HARS2: variants seen among roughly 807,000 people sequenced by gnomAD.
HARS2 encodes the protein histidine--tRNA ligase, mitochondrial.
In HARS2, 40 loss-of-function variants were observed where a neutral mutation model predicts 62.4. The ratio of observed to expected loss-of-function variants is 0.64; its 90% CI spans 0.50 to 0.83. The LOEUF is 0.83. Among genes scored for constraint, HARS2 ranks in the 40% least tolerant of loss-of-function variants. The pLI is 0.00. For synonymous variants in HARS2, 228 were observed against 227.0 expected (o/e 1.00, Z -0.04); for missense variants, 569 against 626.4 (o/e 0.91, Z 0.98).
At chr5:140,693,721 C>A in intron 2 of HARS2, 56 bp downstream of exon 2, 1 of 1,376,848 alleles carries the variant, frequency 7.3e-7, no homozygotes, top group Non-Finnish European at 1.0e-6. Context: ...CTGACCTCTG[C>A]CTTGCATGTC....
At chr5:140,693,841 A>C in intron 2 of HARS2, 94 bp from the exon 3 acceptor site, 1 of 1,445,138 alleles carries the variant, frequency 6.9e-7, no homozygotes, top group Non-Finnish European at 9.7e-7. Flanking sequence ...TCAGCTCCAG[A>C]CCTGAGATTA....
intron 8 of HARS2, 130 bp from the exon 9 acceptor site, chr5:140,696,813 A>T (rs554715533): frequency 3.9e-6 from 4 of 1,034,700 alleles, no homozygotes; most frequent in Non-Finnish European, 5.8e-6. Context: ...GGGTCTTGTC[A>T]TGTGAGACTG....
In HARS2 at chr5:140,699,020, T is replaced by C. The variant is rs1759879451; in HGVS notation, c.*468T>C. The C allele has an allele frequency of 3.7e-6, 1 of 268,220 alleles. No individual in the cohort carries two copies. The highest frequency in any genetic ancestry group is 7.3e-6 in the Non-Finnish European group (1 of 136,938). The allele number at this position is 268,220 out of a possible 1,614,324, so 16.6% of individuals were successfully genotyped here. On this transcript the variant is annotated 3_prime_UTR_variant, in exon 13 of 13. Transcript: ENST00000230771. Reference sequence around the variant, plus strand: ...TTTGGAAGACAGCAAAGAGGGGCAATGGCTGCTTTCAGCTTTGAGGACAGA... The same window carrying C: ...TTTGGAAGACAGCAAAGAGGGGCAACGGCTGCTTTCAGCTTTGAGGACAGA...
chr5:140,696,826 A>ATT, intron 8 of HARS2, 117 bp from the exon 9 acceptor site: 1 of 810,584 alleles, frequency 1.2e-6, no homozygotes, highest in Non-Finnish European at 1.9e-6. Flanking sequence ...TGAGACTGGG[A>ATT]TCTTTTTTTT....
Position 140,698,764 on chromosome 5 carries a change from C to T in HARS2, c.*212C>T. On this transcript the variant is annotated 3_prime_UTR_variant, in exon 13 of 13. Transcript: ENST00000230771. ...AGCTATTCTGCATGGGTGCAGATGG[C>T]TGGATGTGAAAGAGACATGCTCTAG... The T allele has an allele frequency of 1.6e-6, 1 of 607,710 alleles. No individual in the cohort carries two copies. Among genetic ancestry groups the T allele is most frequent in the Admixed American group, 2.8e-5 (1 of 35,792 alleles). The allele number at this position is 607,710 out of a possible 1,614,324, so 37.6% of individuals were successfully genotyped here. A position where few individuals can be genotyped will look rare whatever the true frequency, so the allele number is the denominator to read the frequency against.
In HARS2 at chr5:140,697,248, C is replaced by G. The variant is rs372191938; in HGVS notation, c.1039C>G (p.Gln347Glu). The change falls in exon 10 of 13, where the codon CAG becomes GAG. Residue 347 changes from glutamine (Q) to glutamate (E), a missense_variant. Physicochemically the swap from Gln to Glu is conservative, Grantham distance 29. Coordinates refer to ENST00000230771, the MANE Select transcript of HARS2 (RefSeq NM_012208.4). Reference sequence around the variant, plus strand: ...AGCAGTGCTGCTGCAGACCCCAACTCAGGCTGGGGAGGAGCCCCTGAATGT... The same window carrying G: ...AGCAGTGCTGCTGCAGACCCCAACTGAGGCTGGGGAGGAGCCCCTGAATGT... ...YEAVLLQTPT[Q>E]AGEEPLNVGS... 125 of 1,614,068 alleles carry G rather than the reference C, an allele frequency of 7.7e-5. No homozygotes were observed. The highest frequency in any genetic ancestry group is 1.0e-4 in the Non-Finnish European group (122 of 1,180,046).
chr5:140,695,788 T>G lies in HARS2; in HGVS notation c.576T>G (p.Cys192Trp), dbSNP rs1181214459. Residue 192 changes from cysteine to tryptophan, a missense_variant, in exon 6 of 13, where the codon TGT (cysteine) becomes TGG (tryptophan). Transcript: ENST00000230771. ...ACCCTATGATCCCCGATGCAGAGTG[T>G]TTGAAGATCATGTGTGAAATCCTAA... is the stretch of plus-strand genomic sequence containing the variant. Reference protein sequence around the residue: ...QFDPMIPDAECLKIMCEILSG... With the variant: ...QFDPMIPDAEWLKIMCEILSG... 1 of 1,614,064 alleles carries G rather than the reference T, an allele frequency of 6.2e-7. No homozygotes were observed. Among genetic ancestry groups the G allele is most frequent in the South Asian group, 1.1e-5 (1 of 91,084 alleles).
In HARS2 at chr5:140,697,553, T is replaced by C; in HGVS notation, c.1198-16T>C. On this transcript the variant is annotated splice_polypyrimidine_tract_variant and intron_variant, in intron 10 of 12. Coordinates refer to ENST00000230771, the MANE Select transcript of HARS2 (RefSeq NM_012208.4). ...AAGGAGGTTTTTATTAGTTTTACTT[T>C]CTTCTCTCTTATTAGACCAAAGGTG... The C allele has an allele frequency of 1.2e-6, 2 of 1,605,630 alleles. No individual in the cohort carries two copies. Among genetic ancestry groups the C allele is most frequent in the African/African-American group, 1.3e-5 (1 of 74,886 alleles).
Position 140,697,638 on chromosome 5 carries a change from C to T in HARS2, c.1267C>T (p.Gln423Ter). 6.2e-7 allele frequency: 1 copy of T among 1,613,910 alleles called. No individual in the cohort carries two copies. Among genetic ancestry groups the T allele is most frequent in the Non-Finnish European group, 8.5e-7 (1 of 1,179,800 alleles). The change falls in exon 11 of 13, where the codon CAA becomes TAA. Residue 423 changes from glutamine to a stop codon, truncating the protein, a stop_gained. Transcript: ENST00000230771. LOFTEE classifies it high-confidence loss of function. ...GGCCACACCACAGAAGAACTTTCTC[C>T]AAGAACGGTTGAAGCTTATTGCAGA... ...FVATPQKNFL[Q>*]ERLKLIAELW...
Position 140,693,961 on chromosome 5 carries a change from T to A in HARS2, c.210T>A (p.His70Gln), listed in dbSNP as rs1415986168. 1.2e-6 allele frequency: 2 copies of A among 1,613,752 alleles called. No homozygotes were observed. The highest frequency in any genetic ancestry group is 1.7e-6 in the Non-Finnish European group (2 of 1,179,766). ...GTACCAGGGATCTTAGTCCTCAGCA[T>A]ATGGTTGTGAGGGAGAAAATTCTTG... is the stretch of plus-strand genomic sequence containing the variant. ...PKGTRDLSPQ[H>Q]MVVREKILDL... Residue 70 changes from histidine (H) to glutamine (Q), a missense_variant, in exon 3 of 13, where the codon CAT (histidine) becomes CAA (glutamine). Physicochemically the swap from His to Gln is conservative, Grantham distance 24. Coordinates refer to ENST00000230771, the MANE Select transcript of HARS2 (RefSeq NM_012208.4).
Position 140,691,774 on chromosome 5 carries a change from A to T in HARS2, c.108+18A>T, listed in dbSNP as rs1297586810. ...AAAGCCAGGTGAGCGAGACAGAATT[A>T]TCTCTGGTCTGTCCCAGCAGGGTCT... On this transcript the variant is annotated intron_variant, in intron 1 of 12. Coordinates refer to ENST00000230771, the MANE Select transcript of HARS2 (RefSeq NM_012208.4). The T allele has an allele frequency of 6.0e-6, 9 of 1,495,638 alleles. No individual in the cohort carries two copies. Among genetic ancestry groups the T allele is most frequent in the Non-Finnish European group, 8.2e-6 (9 of 1,096,522 alleles). The allele number at this position is 1,495,638 out of a possible 1,614,324, so 92.6% of individuals were successfully genotyped here. A position where few individuals can be genotyped will look rare whatever the true frequency, so the allele number is the denominator to read the frequency against.
At chr5:140,693,329 C>T in intron 1 of HARS2, 1 of 619,576 alleles carries the variant, frequency 1.6e-6, no homozygotes. Flanking sequence ...GAGACTCTGT[C>T]TCAAAAAAAA....
In HARS2 at chr5:140,693,599, G is replaced by C. The variant is rs1354809959; in HGVS notation, c.117G>C (p.Glu39Asp). The change falls in exon 2 of 13, where the codon GAG (glutamate) becomes GAC (aspartate). Residue 39 changes from glutamate (E) to aspartate (D), a missense_variant. Transcript: ENST00000230771. ...GAVRCQSQVAEAVLTSQLKAH... is the reference protein window; with the variant it reads ...GAVRCQSQVADAVLTSQLKAH... ...ATTCATTCTTCTGCCAGGTTGCAGA[G>C]GCAGTGTTAACATCCCAACTGAAAG... 6.2e-7 allele frequency: 1 copy of C among 1,613,840 alleles called. No homozygotes were observed. Among genetic ancestry groups the C allele is most frequent in the Non-Finnish European group, 8.5e-7 (1 of 1,179,778 alleles).
At chr5:140,696,397 C>T (rs1759742124) in intron 7 of HARS2, 124 bp from the exon 8 acceptor site, 2 of 844,124 alleles carry the variant, frequency 2.4e-6, no homozygotes, top group Non-Finnish European at 4.1e-6. Context: ...TAAGCTGTCT[C>T]TGACTTTGCT....
At position 140,695,727 on chromosome 5, in the gene HARS2, C is replaced by G; in HGVS notation, c.526-11C>G. 4 of 1,613,556 alleles carry G rather than the reference C, an allele frequency of 2.5e-6. No individual in the cohort carries two copies. Among genetic ancestry groups the G allele is most frequent in the Non-Finnish European group, 3.4e-6 (4 of 1,179,468 alleles). ...AATGGATGTTTTTTCCCATCTTTTT[C>G]TTTGCTGTAGGATTTTGACATTGCT... On this transcript the variant is annotated splice_polypyrimidine_tract_variant and intron_variant, in intron 5 of 12. Coordinates refer to ENST00000230771, the MANE Select transcript of HARS2 (RefSeq NM_012208.4).
rs537198287 is a variant in HARS2, at chr5:140,697,219, A to C, written c.1010A>C (p.Tyr337Ser). Residue 337 changes from tyrosine to serine, a missense_variant, in exon 10 of 13, where the codon TAT becomes TCT. Coordinates refer to ENST00000230771, the MANE Select transcript of HARS2 (RefSeq NM_012208.4). ...RGLDYYTGVIYEAVLLQTPTQ... is the reference protein window; with the variant it reads ...RGLDYYTGVISEAVLLQTPTQ... The stretch of plus-strand genomic sequence containing the variant: ...CTAGACTACTATACAGGAGTGATCT[A>C]TGAAGCAGTGCTGCTGCAGACCCCA... 1 of 1,614,164 alleles carries C rather than the reference A, an allele frequency of 6.2e-7. No homozygotes were observed. The highest frequency in any genetic ancestry group is 1.7e-5 in the Admixed American group (1 of 60,028).
chr5:140,697,200 T>C lies in HARS2; in HGVS notation c.991T>C (p.Tyr331His). 2 of 1,614,190 alleles carry C rather than the reference T, an allele frequency of 1.2e-6. No homozygotes were observed. Among genetic ancestry groups the C allele is most frequent in the Non-Finnish European group, 1.7e-6 (2 of 1,180,024 alleles). Reference sequence around the variant, plus strand: ...CCTCAGCCTGGCTCGGGGCCTAGACTACTATACAGGAGTGATCTATGAAGC... The same window carrying C: ...CCTCAGCCTGGCTCGGGGCCTAGACCACTATACAGGAGTGATCTATGAAGC... Reference protein sequence around the residue: ...FDLSLARGLDYYTGVIYEAVL... With the variant: ...FDLSLARGLDHYTGVIYEAVL... Residue 331 changes from tyrosine (Y) to histidine (H), a missense_variant, in exon 10 of 13, where the codon TAC (tyrosine) becomes CAC (histidine). Coordinates refer to ENST00000230771, the MANE Select transcript of HARS2 (RefSeq NM_012208.4).
At chr5:140,692,724 A>G (rs927143048) in intron 1 of HARS2, among the ~76,000 whole-genome samples, 5 of 151,834 alleles carry the variant, frequency 3.3e-5, no homozygotes, top group Admixed American at 3.3e-4. Context: ...GAAACCCCGT[A>G]TCTACTAAAA....
At position 140,691,505 on chromosome 5, in the gene HARS2, T is replaced by A. The variant is rs1425720859; in HGVS notation, c.-144T>A. On this transcript the variant is annotated 5_prime_UTR_variant, in exon 1 of 13. Coordinates refer to ENST00000230771, the MANE Select transcript of HARS2 (RefSeq NM_012208.4). ...TGGGAGGATCCCACCTCAGCCTTCG[T>A]GACTAGTGAGGTGCGCAAACGCCCG... is the stretch of plus-strand genomic sequence containing the variant. 3.7e-5 allele frequency: 27 copies of A among 738,866 alleles called. No individual in the cohort carries two copies. The highest frequency in any genetic ancestry group is 6.1e-5 in the Non-Finnish European group (26 of 426,798). The allele number at this position is 738,866 out of a possible 1,614,324, so 45.8% of individuals were successfully genotyped here. A position where few individuals can be genotyped will look rare whatever the true frequency, so the allele number is the denominator to read the frequency against.
Sources: gnomAD v4.1 joint callset for allele counts (sites outside exome capture counted in the v4.1 genomes callset) on GRCh38, gnomAD v4.1.1 for gene constraint, MANE v1.5 for transcripts, NCBI Gene and HGNC (gene_info 2026-07-23, HGNC 2026-07-21) for gene names.